The following WDR43 variants were observed in gnomAD, a reference collection of about 807,000 sequenced individuals.
WDR43 encodes WD repeat-containing protein 43.
WDR43 carries 13 observed loss-of-function variants against 91.4 expected under a neutral mutation model. The ratio of observed to expected loss-of-function variants is 0.14; its 90% confidence interval spans 0.09 to 0.23. The LOEUF (loss-of-function observed/expected upper bound fraction) is 0.23. Among genes scored for constraint, WDR43 ranks in the 10% least tolerant of loss-of-function variants. The probability of loss-of-function intolerance (pLI) is 1.00; values close to 1 mark genes in which losing one functional copy is unlikely to be tolerated. For synonymous variants in WDR43, 331 were observed against 287.9 expected (o/e 1.15, Z -1.51); for missense variants, 780 against 809.4 (o/e 0.96, Z 0.44).
At chr2:28,899,295 C>T (rs1670537714) in intron 1 of WDR43, among the ~76,000 whole-genome samples, 1 of 152,196 alleles carries the variant, frequency 6.6e-6, no homozygotes, top group African/African-American at 2.4e-5. Context: ...AAATACATTT[C>T]ATATTTGCCG....
chr2:28,942,619 CTTT>C (rs11379144), intron 16 of WDR43, among the ~76,000 whole-genome samples: 2 of 139,548 alleles, frequency 1.4e-5, no homozygotes, highest in Admixed American at 7.2e-5. Flanking sequence ...TTTTTCTTTT[CTTT>C]TTTTTTTTTT....
rs761577905 is a variant in WDR43 at position 28,922,877 on chromosome 2, T to C, written c.850-42T>C. On this transcript the variant is annotated intron_variant, in intron 6 of 17. Coordinates refer to ENST00000407426, the MANE Select transcript of WDR43 (RefSeq NM_015131.3). ...TCATAAGGTAGATTGGGGACTGGAG[T>C]ATGTTATCCATTATAATACGTTGGT... The C allele has an allele frequency of 1.9e-6, 3 of 1,547,338 alleles. No individual in the cohort carries two copies. The South Asian group carries it at 3.6e-5, about 19-fold the overall frequency.
intron 6 of WDR43, among the ~76,000 whole-genome samples, chr2:28,918,869 A>T (rs1466088846): frequency 2.6e-5 from 4 of 152,232 alleles, no homozygotes; most frequent in African/African-American, 4.8e-5. Context: ...AGTTAAGGAT[A>T]TTCACTTTTA....
At chr2:28,930,482 T>A (rs996529098) in intron 11 of WDR43, among the ~76,000 whole-genome samples, 1 of 152,226 alleles carries the variant, frequency 6.6e-6, no homozygotes, top group Non-Finnish European at 1.5e-5. Context: ...AACCTATGAA[T>A]AGTGTGTCTC....
At chr2:28,926,408 T>G (rs1671141411) in intron 8 of WDR43, 60 bp from the exon 9 acceptor site, 1 of 1,297,446 alleles carries the variant, frequency 7.7e-7, no homozygotes, top group Admixed American at 2.7e-5. Context: ...GTTGCTTTGT[T>G]TGACACTCTT....
intron 11 of WDR43, among the ~76,000 whole-genome samples, chr2:28,933,693 C>T (rs879683964): frequency 1.2e-4 from 18 of 152,218 alleles, no homozygotes; most frequent in African/African-American, 4.3e-4. Context: ...AGACACTTCA[C>T]AATAGAATTC....
At chr2:28,898,922 C>G (rs1414497461) in intron 1 of WDR43, among the ~76,000 whole-genome samples, 1 of 152,182 alleles carries the variant, frequency 6.6e-6, no homozygotes, top group Non-Finnish European at 1.5e-5. Context: ...CCCATCTGTA[C>G]AACTCCTTGC....
chr2:28,936,881 C>T, intron 12 of WDR43, 41 bp from the exon 13 acceptor site: 1 of 1,545,788 alleles, frequency 6.5e-7, no homozygotes, highest in Non-Finnish European at 8.8e-7. Flanking sequence ...CATTGGTTGC[C>T]TCTGAAGTGC....
chr2:28,946,664 A>T lies in WDR43; in HGVS notation c.1919A>T (p.Asp640Val). 6.4e-7 allele frequency: 1 copy of T among 1,561,796 alleles called. No homozygotes were observed. Among genetic ancestry groups the T allele is most frequent in the Non-Finnish European group, 8.7e-7 (1 of 1,152,320 alleles). ...SEKDEDVEEE[D>V]EDAEGKDEEN... ...AAAGATGAGGACGTTGAAGAGGAAG[A>T]TGAGGATGCCGAAGGAAAAGATGAA... Residue 640 changes from aspartate (D) to valine (V), a missense_variant, in exon 18 of 18, where the codon GAT (aspartate) becomes GTT (valine). Transcript: ENST00000407426.
At chr2:28,942,408 T>C (rs1306917621) in intron 16 of WDR43, 27 bp downstream of exon 16, 2 of 1,603,266 alleles carry the variant, frequency 1.2e-6, no homozygotes, top group Non-Finnish European at 1.7e-6. Context: ...TGGGATGGAG[T>C]CTAGAATTAT....
intron 3 of WDR43, among the ~76,000 whole-genome samples, chr2:28,910,678 A>AATATATATATATAT (rs71403628): frequency 0.027 from 3,783 of 142,488 alleles, 74 homozygotes; most frequent in East Asian, 0.1. Context: ...TGTGTGTGTA[A>AATATATATATATAT]ATATATATAT....
intron 6 of WDR43, among the ~76,000 whole-genome samples, chr2:28,919,536 G>A (rs992522614): frequency 6.6e-6 from 1 of 151,972 alleles, no homozygotes; most frequent in Admixed American, 6.6e-5. Context: ...GGCGCCTGTA[G>A]TCCCAGCTAC....
In WDR43 at chr2:28,914,180, G is replaced by A; in HGVS notation, c.718G>A (p.Ala240Thr). 1 of 1,613,894 alleles carries A rather than the reference G, an allele frequency of 6.2e-7. No homozygotes were observed. The highest frequency in any genetic ancestry group is 8.5e-7 in the Non-Finnish European group (1 of 1,179,846). The stretch of plus-strand genomic sequence containing the variant: ...TACAGGTCTTTATTTCTTATCTGGA[G>A]CAGTACATGACCGGTTACTTAATGT... ...GITGLYFLSG[A>T]VHDRLLNVWQ... The change falls in exon 5 of 18, where the codon GCA becomes ACA. Residue 240 changes from alanine to threonine, a missense_variant. Ala to Thr is a moderately conservative substitution (Grantham distance 58, BLOSUM62 0). Transcript: ENST00000407426.
intron 3 of WDR43, among the ~76,000 whole-genome samples, chr2:28,911,183 A>AT (rs567955314): frequency 4.2e-4 from 64 of 151,278 alleles, no homozygotes; most frequent in African/African-American, 1.5e-3. Flanking sequence ...TAATCAGTTA[A>AT]TTTTTTTGCA....
chr2:28,898,728 G>T lies in WDR43; in HGVS notation c.226-3259G>T, dbSNP rs904024108. On this transcript the variant is annotated intron_variant, in intron 1 of 17. Transcript: ENST00000407426. ...AAACAAAATAGAATGGAAAGTATCA[G>T]AGTACTACTAGCCGTGGGAAGTTTC... Among the ~76,000 whole-genome samples, 34 of 152,014 alleles carry T rather than the reference G, an allele frequency of 2.2e-4. 1 individual carries two copies. The highest frequency in any genetic ancestry group is 2.0e-3 in the Admixed American group (30 of 15,250).
chr2:28,900,537 A>G (rs1252613279), intron 1 of WDR43, among the ~76,000 whole-genome samples: 2 of 152,180 alleles, frequency 1.3e-5, no homozygotes, highest in East Asian at 3.9e-4. Flanking sequence ...GTACTAGGTT[A>G]ATGTACTTCC....
rs774743429 is a variant in WDR43 at position 28,894,729 on chromosome 2, C to T, written c.31C>T (p.Pro11Ser). 3 of 1,578,854 alleles carry T rather than the reference C, an allele frequency of 1.9e-6. No homozygotes were observed. The highest frequency in any genetic ancestry group is 2.3e-5 in the East Asian group (1 of 42,756). ...GGCGGGCGGCGGCGGTAGCTGCGACCCCCTGGCCCCTGCTGGGGTCCCTTG... is the reference window on the plus strand; with the variant it reads ...GGCGGGCGGCGGCGGTAGCTGCGACTCCCTGGCCCCTGCTGGGGTCCCTTG... Reference protein sequence around the residue: MAAGGGGSCDPLAPAGVPCAF... With the variant: MAAGGGGSCDSLAPAGVPCAF... Residue 11 changes from proline (P) to serine (S), a missense_variant, in exon 1 of 18, where the codon CCC (proline) becomes TCC (serine). Physicochemically the swap from Pro to Ser is moderately conservative, Grantham distance 74. This residue lies in a region of WDR43 where 175 missense variants were observed against 113.8 expected (regional missense o/e 1.54). Coordinates refer to ENST00000407426, the MANE Select transcript of WDR43 (RefSeq NM_015131.3).
At chr2:28,930,170 T>A in intron 11 of WDR43, 1 of 468,276 alleles carries the variant, frequency 2.1e-6, no homozygotes. Context: ...TGGGGGAAAA[T>A]TCAAGAGGGT....
intron 1 of WDR43, among the ~76,000 whole-genome samples, chr2:28,898,880 C>T (rs561825002): frequency 6.6e-6 from 1 of 152,318 alleles, no homozygotes; most frequent in African/African-American, 2.4e-5. Flanking sequence ...TCAGACTTCT[C>T]ATCACCTGAA....
Sources: allele counts gnomAD v4.1 joint callset (sites outside exome capture counted in the v4.1 genomes callset), GRCh38; gene constraint gnomAD v4.1.1; regional missense constraint gnomAD v4.1.1; transcripts MANE v1.5; gene names NCBI Gene and HGNC (gene_info 2026-07-23, HGNC 2026-07-21).